The following ABCC9 variants were observed in gnomAD, a reference collection of about 807,000 sequenced individuals.
The protein encoded by ABCC9 is ATP binding cassette subfamily C member 9.
A neutral mutation model predicts 188.3 loss-of-function variants in ABCC9; 95 were observed. The observed-to-expected ratio is 0.50, with a 90% CI of 0.43 to 0.60. The LOEUF (loss-of-function observed/expected upper bound fraction) is 0.60, where lower values mean the gene tolerates loss of function less well. Among genes scored for constraint, ABCC9 ranks in the 20% least tolerant of loss-of-function variants. ABCC9 has a pLI of 0.00. For synonymous variants in ABCC9, 659 were observed against 652.7 expected, an observed-to-expected ratio of 1.01 and a Z score of -0.15; for missense variants, 1,102 against 1,876.3, an observed-to-expected ratio of 0.59 and a Z score of 7.62.
intron 25 of ABCC9, among the ~76,000 whole-genome samples, chr12:21,846,601 C>A (rs565676883): frequency 2.0e-5 from 3 of 152,166 alleles, no homozygotes; most frequent in Admixed American, 6.6e-5. Context: ...CCACAGGGAT[C>A]CAAATATGTT....
intron 24 of ABCC9, among the ~76,000 whole-genome samples, chr12:21,850,488 A>C (rs1944907132): frequency 6.6e-6 from 1 of 151,966 alleles, no homozygotes; most frequent in Admixed American, 6.6e-5. Flanking sequence ...AACTGGATTT[A>C]CCCTGTCCAT....
Position 21,845,692 on chromosome 12 carries a change from A to G in ABCC9, c.3007T>C (p.Leu1003=), listed in dbSNP as rs138700703. ...ATAGCTACAATGACCGAATGCTTCAAAAGCTTAGAGAAAATCATCAGGATG... is the reference window on the plus strand; with the variant it reads ...ATAGCTACAATGACCGAATGCTTCAGAAGCTTAGAGAAAATCATCAGGATG... ...LLILMIFSKL[L]KHSVIVAIDY... The change falls in exon 26 of 40, where the codon TTG becomes CTG. Residue 1003 remains leucine, a synonymous_variant. Coordinates refer to ENST00000261200, the MANE Select transcript of ABCC9 (RefSeq NM_020297.4). 4.3e-6 allele frequency: 7 copies of G among 1,613,876 alleles called. No homozygotes were observed. Among genetic ancestry groups the G allele is most frequent in the South Asian group, 3.3e-5 (3 of 91,070 alleles).
At chr12:21,933,652 A>T in intron 4 of ABCC9, 130 bp downstream of exon 4, 1 of 973,552 alleles carries the variant, frequency 1.0e-6, no homozygotes, top group Non-Finnish European at 1.6e-6. Flanking sequence ...ACTTCCTGCA[A>T]GAGCTACATG....
intron 12 of ABCC9, among the ~76,000 whole-genome samples, chr12:21,899,427 C>G (rs979077238): frequency 6.6e-6 from 1 of 152,140 alleles, no homozygotes; most frequent in Non-Finnish European, 1.5e-5. Flanking sequence ...ACTGAGGTAC[C>G]AGGTTCATGT....
rs1016879389 is a variant in ABCC9 at position 21,903,919 on chromosome 12, GA to G, written c.1618+2206del. On this transcript the variant is annotated intron_variant, in intron 12 of 39. Coordinates refer to ENST00000261200, the MANE Select transcript of ABCC9 (RefSeq NM_020297.4). ...TACCAATGACTTTCTTCACAGAATT[GA>G]AAAAAACTACTTTAAAGTTCATATG... Among the ~76,000 whole-genome samples, 4 of 152,038 alleles carry G rather than the reference GA, an allele frequency of 2.6e-5. No individual in the cohort carries two copies. In the East Asian group the frequency reaches 5.8e-4, roughly 22 times the overall value.
intron 30 of ABCC9, among the ~76,000 whole-genome samples, chr12:21,829,598 T>C (rs1943638342): frequency 6.6e-6 from 1 of 152,196 alleles, no homozygotes; most frequent in Admixed American, 6.5e-5. Flanking sequence ...TCCTTTCTTA[T>C]ACCCTTACTA....
intron 15 of ABCC9, among the ~76,000 whole-genome samples, chr12:21,884,690 T>TA (rs1359825999): frequency 4.4e-4 from 67 of 152,200 alleles, no homozygotes; most frequent in African/African-American, 1.6e-3. Context: ...TACATGCAAA[T>TA]AAATACACAA....
intron 31 of ABCC9, 133 bp from the exon 32 acceptor site, chr12:21,818,384 A>G: frequency 1.4e-6 from 1 of 732,014 alleles, no homozygotes. Context: ...CAGAGGAAGA[A>G]TACCTAAGAT....
intron 14 of ABCC9, among the ~76,000 whole-genome samples, chr12:21,891,722 A>G (rs1377603304): frequency 6.6e-6 from 1 of 152,180 alleles, no homozygotes; most frequent in Non-Finnish European, 1.5e-5. Flanking sequence ...TAACCCACCA[A>G]GTTTCTAAAT....
chr12:21,817,160 T>G, intron 33 of ABCC9, 27 bp downstream of exon 33: 3 of 1,608,658 alleles, frequency 1.9e-6, no homozygotes, highest in Non-Finnish European at 1.7e-6. Flanking sequence ...AATATTTAAG[T>G]GAGACAAACA....
At chr12:21,877,496 G>C (rs1258437687) in intron 16 of ABCC9, among the ~76,000 whole-genome samples, 1 of 152,106 alleles carries the variant, frequency 6.6e-6, no homozygotes. Flanking sequence ...TGTCATTATG[G>C]TTAAATGACA....
chr12:21,917,832 G>A (rs1473960770), intron 5 of ABCC9, among the ~76,000 whole-genome samples: 7 of 152,140 alleles, frequency 4.6e-5, no homozygotes, highest in Admixed American at 2.6e-4. Flanking sequence ...TTTGAACTTT[G>A]AATAAATGTA....
At chr12:21,901,674 A>G (rs1430470370) in intron 12 of ABCC9, among the ~76,000 whole-genome samples, 2 of 152,204 alleles carry the variant, frequency 1.3e-5, no homozygotes, top group South Asian at 2.1e-4. Flanking sequence ...GATAAAACAG[A>G]CTTTAAACCA....
In ABCC9 at chr12:21,829,066, G is replaced by C. The variant is rs778215132; in HGVS notation, c.3567-6C>G. 5.6e-6 allele frequency: 9 copies of C among 1,606,182 alleles called. No homozygotes were observed. In the East Asian group the frequency reaches 2.0e-4, roughly 36 times the overall value. On this transcript the variant is annotated splice_polypyrimidine_tract_variant and splice_region_variant and intron_variant, in intron 30 of 39. Coordinates refer to ENST00000261200, the MANE Select transcript of ABCC9 (RefSeq NM_020297.4). ...GTTTAAATCTGGTTTCATGCCTGCA[G>C]AAAACAAAAACACGATGTTAACCAC...
At chr12:21,901,758 C>A (rs1174827048) in intron 12 of ABCC9, among the ~76,000 whole-genome samples, 1 of 152,278 alleles carries the variant, frequency 6.6e-6, no homozygotes, top group Admixed American at 6.5e-5. Context: ...AGCTAACTAT[C>A]CTAAATATAT....
At chr12:21,882,922 T>TG in intron 15 of ABCC9, 49 bp from the exon 16 acceptor site, 1 of 1,494,472 alleles carries the variant, frequency 6.7e-7, no homozygotes, top group Non-Finnish European at 9.3e-7. Context: ...ATTAAAAAAA[T>TG]GAAGTTTTAC....
chr12:21,940,490 A>G (rs765758215), intron 2 of ABCC9, among the ~76,000 whole-genome samples: 2 of 152,336 alleles, frequency 1.3e-5, no homozygotes, highest in African/African-American at 4.8e-5. Flanking sequence ...TACCATGGCT[A>G]TAACTATGAC....
At chr12:21,813,764 C>G (rs1406513405) in intron 35 of ABCC9, among the ~76,000 whole-genome samples, 1 of 152,150 alleles carries the variant, frequency 6.6e-6, no homozygotes, top group Non-Finnish European at 1.5e-5. Flanking sequence ...CCCAAAAAAA[C>G]TATATTTACT....
intron 37 of ABCC9, among the ~76,000 whole-genome samples, chr12:21,807,825 G>C (rs1208069761): frequency 6.6e-6 from 1 of 152,134 alleles, no homozygotes; most frequent in Admixed American, 6.6e-5. Flanking sequence ...GAAATGGCTT[G>C]CCCAAAGTCA....
Sources: gnomAD v4.1 joint callset for allele counts (sites outside exome capture counted in the v4.1 genomes callset) on GRCh38, gnomAD v4.1.1 for gene constraint, MANE v1.5 for transcripts, NCBI Gene and HGNC (gene_info 2026-07-23, HGNC 2026-07-21) for gene names.